PCNX1: variants seen among roughly 807,000 people sequenced by gnomAD.
PCNX1 encodes pecanex-like protein 1.
Under a neutral mutation model 242.2 loss-of-function variants are expected in PCNX1, and 78 were observed. That is an observed-to-expected ratio of 0.32 (90% CI 0.27 to 0.39). PCNX1 has a LOEUF of 0.39. Ranked by LOEUF, PCNX1 falls within the 10% of genes least tolerant of loss-of-function variation. PCNX1 has a pLI of 1.00. For synonymous variants in PCNX1, 1,024 were observed against 1,032.9 expected (o/e 0.99, Z 0.17); for missense variants, 2,581 against 2,856.5 (o/e 0.90, Z 2.20).
At position 70,940,792 on chromosome 14, in the gene PCNX1, A is replaced by T. The variant is rs1044660754; in HGVS notation, c.154-6123A>T. Among the ~76,000 whole-genome samples, 11 of 152,160 alleles carry T rather than the reference A, an allele frequency of 7.2e-5. 1 individual carries two copies. The highest frequency in any genetic ancestry group is 7.2e-4 in the Admixed American group (11 of 15,272). ...TCAGACATAGATTTGGTCTTTTCAC[A>T]TAGTCCCATATTTCTTGGAGGTTTT... On this transcript the variant is annotated intron_variant, in intron 1 of 35. Transcript: ENST00000304743.
chr14:70,962,012 A>G (rs1489492042), intron 2 of PCNX1, among the ~76,000 whole-genome samples: 1 of 152,186 alleles, frequency 6.6e-6, no homozygotes, highest in Non-Finnish European at 1.5e-5. Flanking sequence ...AGAGTTATAC[A>G]TATTTTCAAG....
Position 70,916,121 on chromosome 14 carries a change from T to C in PCNX1, c.153+8118T>C, listed in dbSNP as rs147521225. On this transcript the variant is annotated intron_variant, in intron 1 of 35. Coordinates refer to ENST00000304743, the MANE Select transcript of PCNX1 (RefSeq NM_014982.3). ...TAAGGTTTGAGGGAGATCCCCCAAA[T>C]GTGACATGCTATTCTTACTTTTGGT... Among the ~76,000 whole-genome samples the C allele has an allele frequency of 7.4e-4, 112 of 152,252 alleles. 1 individual carries two copies. The highest frequency in any genetic ancestry group is 1.6e-3 in the Admixed American group (24 of 15,286).
intron 2 of PCNX1, among the ~76,000 whole-genome samples, chr14:70,954,285 C>A (rs888574837): frequency 6.6e-6 from 1 of 152,134 alleles, no homozygotes. Flanking sequence ...CTTGCCTGTG[C>A]CATTACCATA....
chr14:70,922,256 G>A (rs1327676760), intron 1 of PCNX1, among the ~76,000 whole-genome samples: 2 of 152,044 alleles, frequency 1.3e-5, no homozygotes, highest in African/African-American at 4.8e-5. Context: ...AATACTAGTT[G>A]TAGAAATTAT....
intron 16 of PCNX1, among the ~76,000 whole-genome samples, chr14:71,029,827 A>G (rs1380864089): frequency 6.6e-6 from 1 of 152,232 alleles, no homozygotes; most frequent in Non-Finnish European, 1.5e-5. Flanking sequence ...TCATTCCTCT[A>G]AGGCTAGAAA....
chr14:70,919,943 A>G (rs1201444839), intron 1 of PCNX1, among the ~76,000 whole-genome samples: 1 of 151,954 alleles, frequency 6.6e-6, no homozygotes, highest in Non-Finnish European at 1.5e-5. Context: ...AGAGCTTTGA[A>G]CGAGCCAAAT....
At chr14:71,105,543 C>T in intron 33 of PCNX1, 103 bp downstream of exon 33, 2 of 867,240 alleles carry the variant, frequency 2.3e-6, no homozygotes, top group Non-Finnish European at 3.5e-6. Flanking sequence ...CTTGGAAATT[C>T]AGAAATAGAA....
At chr14:71,052,077 C>CATA (rs1450591712) in intron 24 of PCNX1, 65 bp downstream of exon 24, 2 of 1,168,918 alleles carry the variant, frequency 1.7e-6, no homozygotes, top group Non-Finnish European at 2.4e-6. Flanking sequence ...CTATTGACAG[C>CATA]ATTATTATTA....
At chr14:70,960,258 G>T (rs1417781099) in intron 2 of PCNX1, among the ~76,000 whole-genome samples, 42 of 136,208 alleles carry the variant, frequency 3.1e-4, no homozygotes, top group Middle Eastern at 7.1e-3. Context: ...GTCAATTTTG[G>T]CTTTTGTTGC....
chr14:71,073,037 C>T (rs2061623866), intron 26 of PCNX1, among the ~76,000 whole-genome samples: 1 of 152,210 alleles, frequency 6.6e-6, no homozygotes, highest in East Asian at 1.9e-4. Flanking sequence ...AGTGCGGTGG[C>T]TCATGCCTGT....
chr14:71,036,377 T>G (rs1220131074), intron 19 of PCNX1, among the ~76,000 whole-genome samples: 1 of 152,090 alleles, frequency 6.6e-6, no homozygotes, highest in African/African-American at 2.4e-5. Flanking sequence ...TGAGTCTTGT[T>G]GTGTTGCCCG....
chr14:71,025,597 T>G (rs976236808), intron 13 of PCNX1, among the ~76,000 whole-genome samples: 4 of 152,166 alleles, frequency 2.6e-5, no homozygotes, highest in Non-Finnish European at 5.9e-5. Context: ...TACCCATTCC[T>G]ATATCTATTT....
intron 15 of PCNX1, 41 bp from the exon 16 acceptor site, chr14:71,028,659 T>G: frequency 8.5e-7 from 1 of 1,177,664 alleles, no homozygotes; most frequent in Non-Finnish European, 1.2e-6. Context: ...TTTTCATATA[T>G]TTTTATAAAA....
chr14:71,104,652 G>A lies in PCNX1; in HGVS notation c.6096-583G>A, dbSNP rs118189920. On this transcript the variant is annotated intron_variant, in intron 32 of 35. Coordinates refer to ENST00000304743, the MANE Select transcript of PCNX1 (RefSeq NM_014982.3). ...TGGTAAGAATTCTGTTTCCAGGCCC[G>A]GCGCTGTGGCTCACACTGGGTAATC... is the stretch of plus-strand genomic sequence containing the variant. 9.1e-3 allele frequency among the ~76,000 whole-genome samples: 1,381 copies of A among 152,244 alleles called. 10 individuals carry two copies. Among genetic ancestry groups the A allele is most frequent in the Non-Finnish European group, 0.012 (846 of 68,018 alleles).
intron 3 of PCNX1, among the ~76,000 whole-genome samples, chr14:70,967,194 A>G (rs2810098): frequency 0.63 from 96,347 of 152,094 alleles, 30,789 homozygotes; most frequent in South Asian, 0.72. Flanking sequence ...TTGCCATCCA[A>G]ATCAAGAAAG....
At chr14:71,002,409 TG>T (rs2059532307) in intron 8 of PCNX1, among the ~76,000 whole-genome samples, 1 of 152,168 alleles carries the variant, frequency 6.6e-6, no homozygotes, top group Non-Finnish European at 1.5e-5. Flanking sequence ...ATCTGTTAAA[TG>T]TATACAATTC....
chr14:70,930,201 A>G (rs2140152009), intron 1 of PCNX1, among the ~76,000 whole-genome samples: 1 of 152,144 alleles, frequency 6.6e-6, no homozygotes, highest in African/African-American at 2.4e-5. Context: ...GTGGCTGCTC[A>G]CAGGTACAGT....
intron 2 of PCNX1, among the ~76,000 whole-genome samples, chr14:70,960,472 C>T (rs1352309258): frequency 6.6e-6 from 1 of 152,182 alleles, no homozygotes; most frequent in Non-Finnish European, 1.5e-5. Flanking sequence ...AACAACACTT[C>T]ATGCTAAAAA....
At chr14:71,073,871 A>ACT in intron 27 of PCNX1, 73 bp downstream of exon 27, 2 of 1,037,274 alleles carry the variant, frequency 1.9e-6, no homozygotes, top group Non-Finnish European at 2.6e-6. Context: ...ATAAGTATAT[A>ACT]TATATGTATA....
Sources: allele counts gnomAD v4.1 joint callset (sites outside exome capture counted in the v4.1 genomes callset), GRCh38; gene constraint gnomAD v4.1.1; transcripts MANE v1.5; gene names NCBI Gene and HGNC (gene_info 2026-07-23, HGNC 2026-07-21).